The following CRAMP1 variants were observed in gnomAD, a reference collection of about 807,000 sequenced individuals.
The protein encoded by CRAMP1 is protein cramped-like.
CRAMP1 carries 50 observed loss-of-function variants against 115.4 expected under a neutral mutation model. That is an observed-to-expected ratio of 0.43 (90% CI 0.35 to 0.55). CRAMP1 has a LOEUF of 0.55. Ranked by LOEUF, CRAMP1 falls within the 20% of genes least tolerant of loss-of-function variation. The probability of loss-of-function intolerance (pLI) is 0.01; values close to 1 mark genes in which losing one functional copy is unlikely to be tolerated. For missense variants in CRAMP1, 1,679 were observed against 1,721.7 expected (o/e 0.98, Z 0.44); for synonymous variants, 866 against 745.4 (o/e 1.16, Z -2.64).
chr16:1,641,264 T>C, intron 6 of CRAMP1, 77 bp downstream of exon 6: 1 of 1,069,878 alleles, frequency 9.3e-7, no homozygotes, highest in Non-Finnish European at 1.5e-6. Flanking sequence ...GAAGCTGAAA[T>C]GCTCTCAGTG....
intron 6 of CRAMP1, among the ~76,000 whole-genome samples, chr16:1,644,948 C>T (rs74594000): frequency 1.8e-4 from 27 of 152,032 alleles, no homozygotes; most frequent in African/African-American, 5.8e-4. Flanking sequence ...GTGATCCTCC[C>T]GTCTTGGCCT....
intron 10 of CRAMP1, among the ~76,000 whole-genome samples, chr16:1,659,042 G>A (rs1035355304): frequency 1.4e-4 from 22 of 152,270 alleles, no homozygotes; most frequent in South Asian, 8.3e-4. Flanking sequence ...ACATCCCCTG[G>A]GGTTGGGCTC....
intron 6 of CRAMP1, among the ~76,000 whole-genome samples, chr16:1,646,636 C>T (rs1324436590): frequency 1.3e-5 from 2 of 152,176 alleles, no homozygotes; most frequent in African/African-American, 4.8e-5. Flanking sequence ...CACTTACTGT[C>T]CTGCACAGAG....
rs2036952334 is a variant in CRAMP1, at chr16:1,674,676, T to G, written c.*631T>G. 6.4e-6 allele frequency: 1 copy of G among 155,914 alleles called. No homozygotes were observed. The highest frequency in any genetic ancestry group is 1.4e-5 in the Non-Finnish European group (1 of 70,406). 9.7% of individuals were successfully genotyped at this position (155,914 alleles called of 1,614,324 possible). On this transcript the variant is annotated 3_prime_UTR_variant, in exon 21 of 21. Coordinates refer to ENST00000397412, the MANE Select transcript of CRAMP1 (RefSeq NM_020825.4). ...CTCCCTAGAGGTTTTGTTCGTACTC[T>G]TAACAGGGAGTGGGGGCAGGAAGAG... is the stretch of plus-strand genomic sequence containing the variant.
chr16:1,663,738 C>T lies in CRAMP1; in HGVS notation c.2670+903C>T, dbSNP rs145913962. On this transcript the variant is annotated intron_variant, in intron 13 of 20. Transcript: ENST00000397412. ...CCTATGAACTCACGTTGCCTTCTCCCGCCAGCCCTTGGCAACCACGGATCC... is the reference window on the plus strand; with the variant it reads ...CCTATGAACTCACGTTGCCTTCTCCTGCCAGCCCTTGGCAACCACGGATCC... Among the ~76,000 whole-genome samples the T allele has an allele frequency of 6.6e-4, 101 of 152,290 alleles. 2 individuals carry two copies. The East Asian group carries it at 0.015, about 22-fold the overall frequency.
intron 11 of CRAMP1, among the ~76,000 whole-genome samples, chr16:1,660,614 T>C (rs188339302): frequency 6.6e-6 from 1 of 152,206 alleles, no homozygotes. Flanking sequence ...GCATGAACAG[T>C]TTCCCGAGGC....
At chr16:1,620,999 C>T (rs1165744149) in intron 2 of CRAMP1, among the ~76,000 whole-genome samples, 1 of 152,044 alleles carries the variant, frequency 6.6e-6, no homozygotes, top group East Asian at 1.9e-4. Context: ...GAGATAACTA[C>T]CCATTGCGAG....
intron 2 of CRAMP1, among the ~76,000 whole-genome samples, chr16:1,615,803 G>C (rs923967953): frequency 6.6e-6 from 1 of 152,254 alleles, no homozygotes; most frequent in Non-Finnish European, 1.5e-5. Context: ...TTCCGACCAT[G>C]TTCGCAGCAC....
At chr16:1,662,389 A>G in intron 11 of CRAMP1, 101 bp from the exon 12 acceptor site, 1 of 964,962 alleles carries the variant, frequency 1.0e-6, no homozygotes, top group Non-Finnish European at 1.6e-6. Context: ...ACGGGTTGCC[A>G]AGAGAATGTC....
Position 1,673,980 on chromosome 16 carries a change from G to A in CRAMP1, c.3745G>A (p.Gly1249Ser). ...LAQELSIAEP[G>S]RREALFDGGG... Reference sequence around the variant, plus strand: ...CCAAGAGCTGTCCATCGCTGAGCCTGGCCGCCGAGAAGCTCTGTTTGATGG... The same window carrying A: ...CCAAGAGCTGTCCATCGCTGAGCCTAGCCGCCGAGAAGCTCTGTTTGATGG... The change falls in exon 21 of 21, where the codon GGC (glycine) becomes AGC (serine). Residue 1249 changes from glycine to serine, a missense_variant. This residue lies in a region of CRAMP1 where 709 missense variants were observed against 741.9 expected (regional missense o/e 0.96). Coordinates refer to ENST00000397412, the MANE Select transcript of CRAMP1 (RefSeq NM_020825.4). 1 of 1,613,102 alleles carries A rather than the reference G, an allele frequency of 6.2e-7. No individual in the cohort carries two copies. Among genetic ancestry groups the A allele is most frequent in the African/African-American group, 1.3e-5 (1 of 75,034 alleles).
At chr16:1,651,446 G>C (rs963090964) in intron 6 of CRAMP1, among the ~76,000 whole-genome samples, 32 of 149,880 alleles carry the variant, frequency 2.1e-4, no homozygotes, top group African/African-American at 7.9e-4. Context: ...TTGTCACACA[G>C]AGGTCATGTT....
chr16:1,646,443 G>A (rs981520408), intron 6 of CRAMP1, among the ~76,000 whole-genome samples: 13 of 152,288 alleles, frequency 8.5e-5, no homozygotes, highest in African/African-American at 1.7e-4. Flanking sequence ...GTTTTGATGC[G>A]TTTCCCTGAT....
intron 2 of CRAMP1, among the ~76,000 whole-genome samples, chr16:1,623,271 A>T (rs2036480861): frequency 6.6e-6 from 1 of 152,192 alleles, no homozygotes; most frequent in Non-Finnish European, 1.5e-5. Context: ...TCCTCTGAGG[A>T]GTGAGTGCCG....
At position 1,653,226 on chromosome 16, in the gene CRAMP1, T is replaced by C. The variant is rs2036739723; in HGVS notation, c.1037+70T>C. On this transcript the variant is annotated intron_variant, in intron 8 of 20. Coordinates refer to ENST00000397412, the MANE Select transcript of CRAMP1 (RefSeq NM_020825.4). ...AGGACTGGAAGCAACGTGTGTGAGTTTCCCTCAAGGAACTTCCAGGAGAAG... is the reference window on the plus strand; with the variant it reads ...AGGACTGGAAGCAACGTGTGTGAGTCTCCCTCAAGGAACTTCCAGGAGAAG... The C allele has an allele frequency of 1.9e-6, 3 of 1,541,610 alleles. No individual in the cohort carries two copies. The East Asian group carries it at 7.1e-5, about 36-fold the overall frequency.
chr16:1,667,250 C>G, intron 16 of CRAMP1, 85 bp from the exon 17 acceptor site: 1 of 1,150,228 alleles, frequency 8.7e-7, no homozygotes, highest in Non-Finnish European at 1.3e-6. Flanking sequence ...TGGAACGCCT[C>G]TTTTTCTGGA....
chr16:1,657,076 G>A (rs2036782839), intron 10 of CRAMP1, 84 bp downstream of exon 10: 2 of 1,257,898 alleles, frequency 1.6e-6, no homozygotes, highest in Non-Finnish European at 2.1e-6. Context: ...GGTAGCTAGG[G>A]CCAGCACGGT....
rs532122577 is a variant in CRAMP1 at position 1,654,822 on chromosome 16, G to T, written c.1038-397G>T. Among the ~76,000 whole-genome samples, 3 of 152,354 alleles carry T rather than the reference G, an allele frequency of 2.0e-5. No individual in the cohort carries two copies. The East Asian group carries it at 5.8e-4, about 29-fold the overall frequency. ...GAGGTTCACCCATCATAGCGCATCA[G>T]TACTTCATTCCTTCCGCTCATGTAC... On this transcript the variant is annotated intron_variant, in intron 8 of 20. Coordinates refer to ENST00000397412, the MANE Select transcript of CRAMP1 (RefSeq NM_020825.4).
chr16:1,616,497 T>G (rs1290502881), intron 2 of CRAMP1, among the ~76,000 whole-genome samples: 1 of 152,244 alleles, frequency 6.6e-6, no homozygotes, highest in African/African-American at 2.4e-5. Context: ...GAAAGCACTC[T>G]CAGACGTGTA....
intron 8 of CRAMP1, among the ~76,000 whole-genome samples, chr16:1,654,909 G>T (rs1011417194): frequency 2.6e-5 from 4 of 152,256 alleles, no homozygotes; most frequent in African/African-American, 9.6e-5. Context: ...AGAAGGAGCT[G>T]GTAGACTAGG....
Sources: allele counts gnomAD v4.1 joint callset (sites outside exome capture counted in the v4.1 genomes callset), GRCh38; gene constraint gnomAD v4.1.1; regional missense constraint gnomAD v4.1.1; transcripts MANE v1.5; gene names NCBI Gene and HGNC (gene_info 2026-07-23, HGNC 2026-07-21).